PTPRD: variants seen among roughly 807,000 people sequenced by gnomAD.
The protein encoded by PTPRD is receptor-type tyrosine-protein phosphatase delta.
In PTPRD, 34 loss-of-function variants were observed where a neutral mutation model predicts 214.5. The observed-to-expected ratio is 0.16, with a 90% CI of 0.12 to 0.21. The LOEUF is 0.21. Among genes scored for constraint, PTPRD ranks in the 10% least tolerant of loss-of-function variants. The pLI, the probability that PTPRD is intolerant of heterozygous loss-of-function variation, is 1.00. For synonymous variants in PTPRD, 1,128 were observed against 845.7 expected (o/e 1.33, Z -5.79); for missense variants, 2,545 against 2,398.7 (o/e 1.06, Z -1.27).
intron 9 of PTPRD, among the ~76,000 whole-genome samples, chr9:9,340,502 C>T (rs1434732877): frequency 6.6e-6 from 1 of 152,154 alleles, no homozygotes; most frequent in Non-Finnish European, 1.5e-5. Context: ...TAGTAGTTAA[C>T]CTGAAATCCA....
At chr9:8,948,535 ATATATATTTATATATATT>A (rs1567184529) in intron 11 of PTPRD, among the ~76,000 whole-genome samples, 13 of 43,400 alleles carry the variant, frequency 3.0e-4, no homozygotes, top group Non-Finnish European at 3.8e-4. Context: ...ATATATTTAT[ATATATATTTATATATATT>A]TATATATATT....
At chr9:9,351,517 T>A (rs1041993260) in intron 9 of PTPRD, among the ~76,000 whole-genome samples, 5 of 152,010 alleles carry the variant, frequency 3.3e-5, no homozygotes, top group Admixed American at 3.3e-4. Context: ...GGTGTTCACG[T>A]GAACCTTCCT....
At chr9:10,267,675 G>A (rs1475789746) in intron 3 of PTPRD, among the ~76,000 whole-genome samples, 4 of 152,248 alleles carry the variant, frequency 2.6e-5, no homozygotes, top group Non-Finnish European at 5.9e-5. Flanking sequence ...AGTCTTAAAT[G>A]CTTATGCATT....
chr9:9,282,551 T>A (rs1472259104), intron 9 of PTPRD, among the ~76,000 whole-genome samples: 1 of 151,478 alleles, frequency 6.6e-6, no homozygotes, highest in Middle Eastern at 3.4e-3. Flanking sequence ...TAAATTCAGT[T>A]CCTAGGTTTG....
intron 8 of PTPRD, among the ~76,000 whole-genome samples, chr9:9,434,404 T>C (rs1009639172): frequency 2.9e-4 from 44 of 152,162 alleles, no homozygotes; most frequent in African/African-American, 1.0e-3. Context: ...GTTCATGCAT[T>C]GGAAGAATGA....
chr9:9,126,645 G>A (rs1233173047), intron 10 of PTPRD, among the ~76,000 whole-genome samples: 1 of 152,104 alleles, frequency 6.6e-6, no homozygotes, highest in African/African-American at 2.4e-5. Context: ...CTCAATTTTT[G>A]GTGAATCACT....
Position 9,802,441 on chromosome 9 carries a change from TA to T in PTPRD, c.-367-35591del, listed in dbSNP as rs1404708819. Among the ~76,000 whole-genome samples the T allele has an allele frequency of 2.6e-5, 4 of 152,116 alleles. No homozygotes were observed. The East Asian group carries it at 7.7e-4, about 29-fold the overall frequency. On this transcript the variant is annotated intron_variant, in intron 5 of 45. Coordinates refer to ENST00000381196, the MANE Select transcript of PTPRD (RefSeq NM_002839.4). ...CTTATATTAGGCCATAATTTGCTCCTAAATTAGCCACAGAACTCAAACTTAA... is the reference window on the plus strand; with the variant it reads ...CTTATATTAGGCCATAATTTGCTCCTAATTAGCCACAGAACTCAAACTTAA...
In PTPRD at chr9:8,392,608, C is replaced by T. The variant is rs545436966; in HGVS notation, c.4211-3201G>A. Among the ~76,000 whole-genome samples, 3 of 152,140 alleles carry T rather than the reference C, an allele frequency of 2.0e-5. No homozygotes were observed. The South Asian group carries it at 6.2e-4, about 32-fold the overall frequency. The stretch of plus-strand genomic sequence containing the variant: ...TACCTGGTAGAGCAAATTATTAAGC[C>T]AATGCTTTATGTCCTGAAAATAATG... On this transcript the variant is annotated intron_variant, in intron 36 of 45. Coordinates refer to ENST00000381196, the MANE Select transcript of PTPRD (RefSeq NM_002839.4).
rs916809383 is a variant in PTPRD at position 9,691,513 on chromosome 9, G to A, written c.-287+43020C>T. Among the ~76,000 whole-genome samples, 6 of 151,972 alleles carry A rather than the reference G, an allele frequency of 3.9e-5. No homozygotes were observed. The South Asian group carries it at 6.2e-4, about 16-fold the overall frequency. On this transcript the variant is annotated intron_variant, in intron 7 of 45. Transcript: ENST00000381196. ...GTACTCCATTGTGTGGAAGTGCTAT[G>A]TGTTCTTTATTCATCTGTTGATGGA... is the stretch of plus-strand genomic sequence containing the variant.
At chr9:8,919,880 A>G (rs1481763235) in intron 11 of PTPRD, among the ~76,000 whole-genome samples, 4 of 150,464 alleles carry the variant, frequency 2.7e-5, no homozygotes, top group Non-Finnish European at 4.4e-5. Flanking sequence ...TGCATGTATC[A>G]TGCATACATA....
chr9:8,624,685 C>T (rs760422045), intron 14 of PTPRD, among the ~76,000 whole-genome samples: 2 of 151,852 alleles, frequency 1.3e-5, no homozygotes, highest in Non-Finnish European at 2.9e-5. Flanking sequence ...CCCAACCCTA[C>T]AGATAGGAAT....
chr9:9,650,741 T>C (rs1352335721), intron 7 of PTPRD, among the ~76,000 whole-genome samples: 1 of 152,050 alleles, frequency 6.6e-6, no homozygotes, highest in Admixed American at 6.6e-5. Context: ...CAAGTTTATC[T>C]ATGTAACAAA....
chr9:8,709,936 C>A (rs1289770400), intron 12 of PTPRD, among the ~76,000 whole-genome samples: 3 of 152,074 alleles, frequency 2.0e-5, no homozygotes, highest in Non-Finnish European at 4.4e-5. Context: ...AGTCAGACAA[C>A]CTAGGTATGA....
intron 5 of PTPRD, among the ~76,000 whole-genome samples, chr9:9,783,427 G>C (rs1404845311): frequency 6.6e-6 from 1 of 152,092 alleles, no homozygotes. Flanking sequence ...ATCATGACAA[G>C]TAATCCTTTA....
chr9:10,362,918 C>T (rs375099733), intron 2 of PTPRD, among the ~76,000 whole-genome samples: 1 of 152,038 alleles, frequency 6.6e-6, no homozygotes, highest in East Asian at 1.9e-4. Flanking sequence ...TTTGCCTAGT[C>T]TCTTCACCAC....
At chr9:10,405,787 C>G (rs961724841) in intron 2 of PTPRD, among the ~76,000 whole-genome samples, 1 of 151,086 alleles carries the variant, frequency 6.6e-6, no homozygotes, top group African/African-American at 2.4e-5. Flanking sequence ...TTTGGTGAAG[C>G]CTAATTACAT....
intron 9 of PTPRD, among the ~76,000 whole-genome samples, chr9:9,246,794 A>G (rs1050717158): frequency 1.3e-5 from 2 of 151,980 alleles, no homozygotes; most frequent in Non-Finnish European, 2.9e-5. Context: ...CAGCAACCCA[A>G]TTTCTGGACT....
At chr9:9,287,657 T>A (rs1949937525) in intron 9 of PTPRD, among the ~76,000 whole-genome samples, 1 of 151,912 alleles carries the variant, frequency 6.6e-6, no homozygotes, top group African/African-American at 2.4e-5. Flanking sequence ...TAACTAAAGG[T>A]CCTACTGTGA....
chr9:9,740,754 A>T (rs574046926), intron 6 of PTPRD, among the ~76,000 whole-genome samples: 4 of 152,200 alleles, frequency 2.6e-5, no homozygotes, highest in Non-Finnish European at 5.9e-5. Context: ...TACAATAACA[A>T]ATAATTTTAG....
Sources: gnomAD v4.1 joint callset for allele counts (sites outside exome capture counted in the v4.1 genomes callset) on GRCh38, gnomAD v4.1.1 for gene constraint, MANE v1.5 for transcripts, NCBI Gene and HGNC (gene_info 2026-07-23, HGNC 2026-07-21) for gene names.